The following COL6A6 variants were observed in gnomAD, a reference collection of about 807,000 sequenced individuals.
COL6A6 encodes collagen alpha-6(VI) chain.
A neutral mutation model predicts 208.6 loss-of-function variants in COL6A6; 183 were observed. The ratio of observed to expected loss-of-function variants is 0.88; its 90% confidence interval spans 0.78 to 0.99. The LOEUF (loss-of-function observed/expected upper bound fraction) is 0.99, where lower values mean the gene tolerates loss of function less well. Among genes scored for constraint, COL6A6 ranks in the 50% least tolerant of loss-of-function variants. COL6A6 has a pLI of 0.00. For synonymous variants in COL6A6, 973 were observed against 1,011.8 expected, an observed-to-expected ratio of 0.96 and a Z score of 0.73; for missense variants, 2,816 against 2,815.2, an observed-to-expected ratio of 1.00 and a Z score of -0.01.
chr3:130,521,620 A>T (rs1335189775), intron 1 of COL6A6, among the ~76,000 whole-genome samples: 1 of 152,006 alleles, frequency 6.6e-6, no homozygotes, highest in Non-Finnish European at 1.5e-5. Flanking sequence ...ATATTTTCCC[A>T]CTGTGTTCCT....
At chr3:130,549,777 T>G (rs2062601864) in intron 1 of COL6A6, among the ~76,000 whole-genome samples, 1 of 152,192 alleles carries the variant, frequency 6.6e-6, no homozygotes, top group Admixed American at 6.5e-5. Flanking sequence ...TACCATGCTG[T>G]TTTGGTTACT....
intron 13 of COL6A6, 36 bp from the exon 14 acceptor site, chr3:130,592,505 T>A: frequency 6.7e-7 from 1 of 1,499,588 alleles, no homozygotes; most frequent in Non-Finnish European, 9.1e-7. Context: ...CAGATTACAA[T>A]AGAAAAAGCT....
chr3:130,530,824 C>T (rs2062062972), intron 1 of COL6A6, among the ~76,000 whole-genome samples: 1 of 152,022 alleles, frequency 6.6e-6, no homozygotes, highest in South Asian at 2.1e-4. Flanking sequence ...CAGCTGAAGG[C>T]CTTAAGGAAA....
chr3:130,651,255 G>A (rs530268609), intron 33 of COL6A6, among the ~76,000 whole-genome samples: 25 of 151,844 alleles, frequency 1.6e-4, no homozygotes, highest in African/African-American at 5.3e-4. Context: ...GTGAAACCCC[G>A]TCTCTCCTAA....
At chr3:130,594,366 G>A in intron 18 of COL6A6, 23 bp downstream of exon 18, 8 of 1,600,176 alleles carry the variant, frequency 5.0e-6, no homozygotes, top group Non-Finnish European at 6.8e-6. Context: ...GCTGCAAACT[G>A]GAGTTAGGGC....
chr3:130,549,666 G>GT (rs1303091020), intron 1 of COL6A6, among the ~76,000 whole-genome samples: 3 of 152,054 alleles, frequency 2.0e-5, no homozygotes, highest in Non-Finnish European at 4.4e-5. Context: ...CCTATTGCTT[G>GT]TTTTTGTCAG....
chr3:130,612,539 T>G (rs979703100), intron 23 of COL6A6, among the ~76,000 whole-genome samples: 1 of 152,226 alleles, frequency 6.6e-6, no homozygotes, highest in Non-Finnish European at 1.5e-5. Flanking sequence ...TTTTAAATAA[T>G]ACAAAACTGC....
intron 1 of COL6A6, among the ~76,000 whole-genome samples, chr3:130,539,757 C>A (rs1410058770): frequency 3.9e-5 from 6 of 152,302 alleles, no homozygotes; most frequent in Non-Finnish European, 7.4e-5. Context: ...TTGTTTCCTG[C>A]CACACTAATA....
chr3:130,594,630 A>G (rs1397821538), intron 18 of COL6A6, among the ~76,000 whole-genome samples: 2 of 152,238 alleles, frequency 1.3e-5, no homozygotes, highest in Non-Finnish European at 2.9e-5. Context: ...CCACTTCATT[A>G]TCTTCCAAGC....
intron 29 of COL6A6, 63 bp from the exon 30 acceptor site, chr3:130,642,769 G>T: frequency 6.9e-7 from 1 of 1,438,862 alleles, no homozygotes; most frequent in African/African-American, 1.4e-5. Context: ...CAATGTTGGT[G>T]CACACTGGCT....
intron 1 of COL6A6, among the ~76,000 whole-genome samples, chr3:130,549,171 C>T (rs2062588054): frequency 6.6e-6 from 1 of 152,090 alleles, no homozygotes; most frequent in South Asian, 2.1e-4. Flanking sequence ...AAGATTCATT[C>T]ATATTTTTGT....
In COL6A6 at chr3:130,586,632, A is replaced by G. The variant is rs1318015639; in HGVS notation, c.4097A>G (p.Glu1366Gly). The G allele has an allele frequency of 6.2e-7, 1 of 1,612,848 alleles. No individual in the cohort carries two copies. Among genetic ancestry groups the G allele is most frequent in the Non-Finnish European group, 8.5e-7 (1 of 1,179,606 alleles). Reference sequence around the variant, plus strand: ...ACACAGCTCTCTATTGGCATGAGAGAACTTGGAAGCCGGCTGTCAAAGCAG... The same window carrying G: ...ACACAGCTCTCTATTGGCATGAGAGGACTTGGAAGCCGGCTGTCAAAGCAG... Reference protein sequence around the residue: ...YRTQLSIGMRELGSRLSKQLV... With the variant: ...YRTQLSIGMRGLGSRLSKQLV... The change falls in exon 11 of 37, where the codon GAA (glutamate) becomes GGA (glycine). Residue 1366 changes from glutamate (E) to glycine (G), a missense_variant. Coordinates refer to ENST00000358511, the MANE Select transcript of COL6A6 (RefSeq NM_001102608.3).
chr3:130,574,282 AC>A lies in COL6A6; in HGVS notation c.3308del (p.Pro1103HisfsTer23), dbSNP rs777307078. On this transcript the variant is annotated frameshift_variant, in exon 8 of 37. Transcript: ENST00000358511. LOFTEE classifies it high-confidence loss of function. ...PDMGSRINTG[T>X]PQVLLVLTDG... ...CATGGGCAGCAGGATAAATACAGGT[AC>A]CCCACAGGTGCTGCTGGTCCTTACA... 8 of 1,613,952 alleles carry A rather than the reference AC, an allele frequency of 5.0e-6. No individual in the cohort carries two copies. In the South Asian group the frequency reaches 7.7e-5, roughly 16 times the overall value.
intron 27 of COL6A6, 68 bp from the exon 28 acceptor site, chr3:130,635,631 G>C: frequency 9.5e-7 from 1 of 1,057,848 alleles, no homozygotes; most frequent in Non-Finnish European, 1.4e-6. Flanking sequence ...TCAGTTTAAA[G>C]ATGCAAATAT....
intron 13 of COL6A6, among the ~76,000 whole-genome samples, chr3:130,591,959 A>G (rs2063727073): frequency 6.6e-6 from 1 of 152,202 alleles, no homozygotes; most frequent in Non-Finnish European, 1.5e-5. Context: ...GTCAGAGAAG[A>G]TCATGTTCAT....
intron 1 of COL6A6, among the ~76,000 whole-genome samples, chr3:130,536,892 TA>T (rs1245709210): frequency 1.3e-5 from 2 of 152,194 alleles, no homozygotes; most frequent in Non-Finnish European, 2.9e-5. Context: ...AAGCTTTTGC[TA>T]GAATTCAGGT....
chr3:130,530,344 C>T (rs547731592), intron 1 of COL6A6, among the ~76,000 whole-genome samples: 25 of 151,994 alleles, frequency 1.6e-4, no homozygotes, highest in African/African-American at 5.8e-4. Flanking sequence ...GCCTCAAAAC[C>T]CTTGCTCTGT....
intron 1 of COL6A6, among the ~76,000 whole-genome samples, chr3:130,531,061 GTC>G (rs10662894): frequency 0.075 from 10,288 of 136,472 alleles, 752 homozygotes; most frequent in African/African-American, 0.2. Context: ...CACACACACA[GTC>G]TCTCTCTCTC....
chr3:130,530,044 T>G (rs544590900), intron 1 of COL6A6, among the ~76,000 whole-genome samples: 70 of 152,338 alleles, frequency 4.6e-4, no homozygotes, highest in African/African-American at 1.7e-3. Flanking sequence ...ATTCAGAGTC[T>G]CTGGGGCTGT....
Sources: allele counts gnomAD v4.1 joint callset (sites outside exome capture counted in the v4.1 genomes callset), GRCh38; gene constraint gnomAD v4.1.1; transcripts MANE v1.5; gene names NCBI Gene and HGNC (gene_info 2026-07-23, HGNC 2026-07-21).